Variants in BMPR1B observed in about 807,000 individuals in gnomAD.
The protein encoded by BMPR1B is bone morphogenetic protein receptor type-1B.
BMPR1B carries 12 observed loss-of-function variants against 59.1 expected under a neutral mutation model. The ratio of observed to expected loss-of-function variants is 0.20; its 90% CI spans 0.13 to 0.33. BMPR1B has a LOEUF of 0.33. BMPR1B is among the 10% of genes least tolerant of loss of function. The probability of loss-of-function intolerance (pLI) is 1.00; values close to 1 mark genes in which losing one functional copy is unlikely to be tolerated. For missense variants in BMPR1B, 550 were observed against 610.9 expected, an observed-to-expected ratio of 0.90 and a Z score of 1.05; for synonymous variants, 237 against 207.3, an observed-to-expected ratio of 1.14 and a Z score of -1.23.
At position 95,051,241 on chromosome 4, in the gene BMPR1B, T is replaced by C. The variant is rs1027177018; in HGVS notation, c.-17-53167T>C. ...AAAAACATTATTTCTTGTTTTCTTT[T>C]TACATTTCTCAGTTAAAATTCTTAG... On this transcript the variant is annotated intron_variant, in intron 3 of 12. Transcript: ENST00000515059. 2.3e-4 allele frequency among the ~76,000 whole-genome samples: 35 copies of C among 152,250 alleles called. 1 individual carries two copies. Among genetic ancestry groups the C allele is most frequent in the Admixed American group, 6.5e-5 (1 of 15,292 alleles).
chr4:94,976,254 T>C (rs1057427316), intron 2 of BMPR1B, among the ~76,000 whole-genome samples: 7 of 152,232 alleles, frequency 4.6e-5, no homozygotes, highest in African/African-American at 1.7e-4. Flanking sequence ...GAGAGAATAC[T>C]GTATTACAGT....
chr4:95,096,775 T>A (rs373423458), intron 3 of BMPR1B, among the ~76,000 whole-genome samples: 1 of 103,060 alleles, frequency 9.7e-6, no homozygotes, highest in African/African-American at 3.5e-5. Flanking sequence ...CTATGTATAG[T>A]TATATATAAC....
At chr4:94,929,001 A>G (rs910196752) in intron 2 of BMPR1B, among the ~76,000 whole-genome samples, 5 of 152,136 alleles carry the variant, frequency 3.3e-5, no homozygotes, top group African/African-American at 1.2e-4. Context: ...GATTTGTGAC[A>G]CAACTCTATG....
intron 2 of BMPR1B, among the ~76,000 whole-genome samples, chr4:94,898,884 T>G (rs1228267053): frequency 6.6e-6 from 1 of 152,072 alleles, no homozygotes; most frequent in Non-Finnish European, 1.5e-5. Flanking sequence ...GCTTGTATAG[T>G]TGTATTAATT....
intron 2 of BMPR1B, among the ~76,000 whole-genome samples, chr4:94,923,790 A>C (rs1055014966): frequency 6.6e-6 from 1 of 152,124 alleles, no homozygotes; most frequent in African/African-American, 2.4e-5. Flanking sequence ...CTCTAGGCAC[A>C]GTTTGAGATG....
Position 95,123,877 on chromosome 4 carries a change from G to T in BMPR1B, c.417G>T (p.Leu139Phe), listed in dbSNP as rs1250134332. Residue 139 changes from leucine (L) to phenylalanine (F), a missense_variant, in exon 7 of 13, where the codon TTG becomes TTT. Transcript: ENST00000515059. ...CTGTGACTGTCTGTAGTTTGCTCTT[G>T]GTCCTTATCATATTATTTTGTTACT... ...LISVTVCSLL[L>F]VLIILFCYFR... 5.0e-6 allele frequency: 8 copies of T among 1,611,424 alleles called. No homozygotes were observed. Among genetic ancestry groups the T allele is most frequent in the African/African-American group, 1.3e-5 (1 of 74,694 alleles).
At chr4:95,150,205 A>T (rs1308825200) in intron 11 of BMPR1B, among the ~76,000 whole-genome samples, 1 of 152,182 alleles carries the variant, frequency 6.6e-6, no homozygotes, top group African/African-American at 2.4e-5. Flanking sequence ...ATTTTGTGCA[A>T]AAGGAAAGTT....
chr4:95,127,800 T>C (rs75406610), intron 8 of BMPR1B, among the ~76,000 whole-genome samples: 9,457 of 152,074 alleles, frequency 0.062, 579 homozygotes, highest in African/African-American at 0.16. Flanking sequence ...GCAGTTCTTT[T>C]TTAATAAATT....
chr4:94,798,878 T>C (rs1033278058), intron 1 of BMPR1B, among the ~76,000 whole-genome samples: 6 of 151,886 alleles, frequency 4.0e-5, no homozygotes, highest in African/African-American at 1.5e-4. Flanking sequence ...AGTCTTAGTC[T>C]TGAGAATCTG....
At chr4:95,120,534 A>G (rs966404245) in intron 6 of BMPR1B, among the ~76,000 whole-genome samples, 13 of 152,166 alleles carry the variant, frequency 8.5e-5, no homozygotes, top group African/African-American at 2.7e-4. Context: ...TCAAAAGACT[A>G]CTAGAACTGA....
At chr4:95,133,007 C>T (rs557784502) in intron 10 of BMPR1B, among the ~76,000 whole-genome samples, 27 of 152,300 alleles carry the variant, frequency 1.8e-4, no homozygotes, top group African/African-American at 6.3e-4. Context: ...TTTCCGACTG[C>T]TAGATTTCCT....
chr4:95,048,944 G>A (rs1272520788), intron 3 of BMPR1B, among the ~76,000 whole-genome samples: 1 of 151,840 alleles, frequency 6.6e-6, no homozygotes, highest in Admixed American at 6.6e-5. Context: ...TTAAAATGGA[G>A]GAAATTAACA....
At chr4:95,115,595 C>A (rs918099629) in intron 5 of BMPR1B, 90 bp from the exon 6 acceptor site, 4 of 1,074,842 alleles carry the variant, frequency 3.7e-6, no homozygotes, top group African/African-American at 3.1e-5. Flanking sequence ...TAAATTAGTT[C>A]TCTAAATAGT....
chr4:94,828,088 C>T (rs1020896812), intron 1 of BMPR1B, among the ~76,000 whole-genome samples: 1 of 152,172 alleles, frequency 6.6e-6, no homozygotes, highest in Non-Finnish European at 1.5e-5. Context: ...CATTGCCTTA[C>T]ACATTTTATT....
At chr4:95,121,546 ATAAG>A (rs1732529844) in intron 6 of BMPR1B, among the ~76,000 whole-genome samples, 1 of 152,176 alleles carries the variant, frequency 6.6e-6, no homozygotes, top group Admixed American at 6.5e-5. Flanking sequence ...AGACACACAA[ATAAG>A]TAAACAAATA....
At chr4:95,086,380 G>A (rs1729576668) in intron 3 of BMPR1B, among the ~76,000 whole-genome samples, 1 of 152,158 alleles carries the variant, frequency 6.6e-6, no homozygotes, top group African/African-American at 2.4e-5. Context: ...GTCAAAATAT[G>A]TAATGTTTTT....
chr4:94,959,915 T>C (rs982653971), intron 2 of BMPR1B, among the ~76,000 whole-genome samples: 7 of 152,158 alleles, frequency 4.6e-5, no homozygotes, highest in Non-Finnish European at 7.4e-5. Flanking sequence ...CTTTAAAAAT[T>C]AGTGTTCAAA....
At chr4:94,966,991 T>G (rs1730579807) in intron 2 of BMPR1B, among the ~76,000 whole-genome samples, 1 of 152,168 alleles carries the variant, frequency 6.6e-6, no homozygotes, top group African/African-American at 2.4e-5. Flanking sequence ...ATGGAACAAT[T>G]ATTTTACCTT....
At chr4:94,803,823 T>A (rs1298830905) in intron 1 of BMPR1B, among the ~76,000 whole-genome samples, 3 of 152,040 alleles carry the variant, frequency 2.0e-5, no homozygotes, top group Non-Finnish European at 4.4e-5. Flanking sequence ...TTGGGCCATA[T>A]TTGGGGAAAG....
Sources: allele counts gnomAD v4.1 joint callset (sites outside exome capture counted in the v4.1 genomes callset), GRCh38; gene constraint gnomAD v4.1.1; transcripts MANE v1.5; gene names NCBI Gene and HGNC (gene_info 2026-07-23, HGNC 2026-07-21).